IQCM: variants seen among roughly 807,000 people sequenced by gnomAD.
IQCM encodes IQ domain-containing protein M.
Under a neutral mutation model 57.6 loss-of-function variants are expected in IQCM, and 45 were observed. That is an observed-to-expected ratio of 0.78 (90% CI 0.62 to 1.00). IQCM has a LOEUF of 1.00. Among genes scored for constraint, IQCM ranks in the 50% least tolerant of loss-of-function variants. The probability of loss-of-function intolerance (pLI) is 0.00; values close to 1 mark genes in which losing one functional copy is unlikely to be tolerated. For synonymous variants in IQCM, 148 were observed against 158.9 expected, an observed-to-expected ratio of 0.93 and a Z score of 0.51; for missense variants, 468 against 511.6, an observed-to-expected ratio of 0.91 and a Z score of 0.82.
In IQCM at chr4:149,480,874, A is replaced by T. The variant is rs936502117; in HGVS notation, c.1229-47317T>A. 2.0e-5 allele frequency among the ~76,000 whole-genome samples: 3 copies of T among 152,118 alleles called. 1 individual carries two copies. The highest frequency in any genetic ancestry group is 4.4e-5 in the Non-Finnish European group (3 of 67,998). ...AGTGGTTTTCCTAATTTACCTTCCC[A>T]CAAATAGTGTACAAGGGTTCCTTAG... On this transcript the variant is annotated intron_variant, in intron 12 of 13. Coordinates refer to ENST00000636793, the MANE Select transcript of IQCM (RefSeq NM_001363507.2).
At chr4:149,765,624 G>C (rs1234908416) in intron 2 of IQCM, among the ~76,000 whole-genome samples, 1 of 152,052 alleles carries the variant, frequency 6.6e-6, no homozygotes, top group Non-Finnish European at 1.5e-5. Context: ...TAGGATTATG[G>C]GAGGGGCCTG....
intron 3 of IQCM, among the ~76,000 whole-genome samples, chr4:149,738,056 A>G (rs1363573393): frequency 6.6e-6 from 1 of 152,080 alleles, no homozygotes; most frequent in East Asian, 1.9e-4. Context: ...ATCATGTCTT[A>G]TTTCAGACAA....
rs1349300366 is a variant in IQCM, at chr4:149,701,503, A to AT, written c.386-15036dup. Among the ~76,000 whole-genome samples, 8 of 152,092 alleles carry AT rather than the reference A, an allele frequency of 5.3e-5. No individual in the cohort carries two copies. In the East Asian group the frequency reaches 1.4e-3, roughly 26 times the overall value. On this transcript the variant is annotated intron_variant, in intron 5 of 13. Transcript: ENST00000636793. ...AATAAAGGTTGTTTTTATTTATTTAATTTTTTGTAGCATTAATCATGTTGC... is the reference window on the plus strand; with the variant it reads ...AATAAAGGTTGTTTTTATTTATTTAATTTTTTTGTAGCATTAATCATGTTGC...
intron 13 of IQCM, among the ~76,000 whole-genome samples, chr4:149,389,139 A>C (rs560858799): frequency 6.6e-4 from 100 of 152,066 alleles, no homozygotes; most frequent in African/African-American, 2.3e-3. Flanking sequence ...TTATGCATAT[A>C]ATGCATCTTG....
chr4:149,721,825 G>A (rs1371543506), intron 5 of IQCM, among the ~76,000 whole-genome samples: 2 of 152,052 alleles, frequency 1.3e-5, no homozygotes, highest in African/African-American at 2.4e-5. Context: ...GAAATTGCTG[G>A]GTTGAATGGT....
At chr4:149,738,429 A>AT (rs1231724574) in intron 3 of IQCM, among the ~76,000 whole-genome samples, 1 of 152,112 alleles carries the variant, frequency 6.6e-6, no homozygotes, top group African/African-American at 2.4e-5. Context: ...CCAAAGTAGC[A>AT]TTTTCTTCCT....
At chr4:149,740,499 C>T (rs374466473) in intron 3 of IQCM, among the ~76,000 whole-genome samples, 1 of 152,008 alleles carries the variant, frequency 6.6e-6, no homozygotes. Context: ...CACCCCCTAC[C>T]GCTAGCGCAC....
At chr4:149,385,634 CT>C in intron 13 of IQCM, among the ~76,000 whole-genome samples, 1 of 152,206 alleles carries the variant, frequency 6.6e-6, no homozygotes, top group African/African-American at 2.4e-5. Context: ...AACTTATGAT[CT>C]TTCCTTACAA....
chr4:149,433,603 A>G (rs2111276827), intron 12 of IQCM, 46 bp from the exon 13 acceptor site: 1 of 745,066 alleles, frequency 1.3e-6, no homozygotes, highest in Non-Finnish European at 1.8e-6. Flanking sequence ...CATTTTACAG[A>G]CTGTCATACT....
chr4:149,445,898 A>G (rs1736454731), intron 12 of IQCM, among the ~76,000 whole-genome samples: 1 of 151,826 alleles, frequency 6.6e-6, no homozygotes, highest in African/African-American at 2.4e-5. Context: ...ATGATCTGCT[A>G]CTGATCTGGT....
At chr4:149,370,747 T>C (rs374029026) in intron 13 of IQCM, among the ~76,000 whole-genome samples, 1 of 152,206 alleles carries the variant, frequency 6.6e-6, no homozygotes. Flanking sequence ...CTACCACTTA[T>C]GTGTCTACAT....
At chr4:149,419,271 A>C (rs1733963046) in intron 13 of IQCM, among the ~76,000 whole-genome samples, 3 of 152,162 alleles carry the variant, frequency 2.0e-5, no homozygotes, top group Non-Finnish European at 4.4e-5. Context: ...CCAAAACAGC[A>C]TGGTACTTGT....
intron 2 of IQCM, among the ~76,000 whole-genome samples, chr4:149,761,128 A>G (rs2149962867): frequency 6.6e-6 from 1 of 152,246 alleles, no homozygotes; most frequent in East Asian, 1.9e-4. Flanking sequence ...CAGCACGTGA[A>G]ACTAAATAAG....
intron 13 of IQCM, among the ~76,000 whole-genome samples, chr4:149,389,195 C>T (rs549857318): frequency 6.6e-6 from 1 of 152,020 alleles, no homozygotes; most frequent in East Asian, 2.0e-4. Flanking sequence ...CAAATTCATT[C>T]TTTAGGCATG....
At chr4:149,367,898 TGA>T in intron 13 of IQCM, among the ~76,000 whole-genome samples, 1 of 152,046 alleles carries the variant, frequency 6.6e-6, no homozygotes, top group Admixed American at 6.6e-5. Flanking sequence ...TTAGTGATTT[TGA>T]GCATCTTTGC....
chr4:149,806,468 C>G (rs1774087013), intron 2 of IQCM, among the ~76,000 whole-genome samples: 1 of 151,962 alleles, frequency 6.6e-6, no homozygotes, highest in South Asian at 2.1e-4. Flanking sequence ...ACCAATCTCC[C>G]TTCATCCTTC....
chr4:149,353,218 T>C (rs1430953034), intron 13 of IQCM, among the ~76,000 whole-genome samples: 3 of 152,054 alleles, frequency 2.0e-5, no homozygotes, highest in Admixed American at 6.5e-5. Flanking sequence ...GGAATGCAAA[T>C]CAAAACCACA....
rs374515810 is a variant in IQCM, at chr4:149,673,280, C to T, written c.565+8838G>A. Among the ~76,000 whole-genome samples the T allele has an allele frequency of 5.9e-4, 90 of 152,122 alleles. 3 individuals carry two copies. The South Asian group carries it at 0.018, about 30-fold the overall frequency. On this transcript the variant is annotated intron_variant, in intron 7 of 13. Coordinates refer to ENST00000636793, the MANE Select transcript of IQCM (RefSeq NM_001363507.2). ...CAAATTCACACATAACAATATTAACCTTAAATGTAAATGGGCTAAATGCTC... is the reference window on the plus strand; with the variant it reads ...CAAATTCACACATAACAATATTAACTTTAAATGTAAATGGGCTAAATGCTC...
At chr4:149,613,622 G>T (rs1342468502) in intron 8 of IQCM, among the ~76,000 whole-genome samples, 4 of 151,794 alleles carry the variant, frequency 2.6e-5, no homozygotes, top group Non-Finnish European at 5.9e-5. Context: ...ACAATGTGCA[G>T]GTTAGTTACA....
Sources: gnomAD v4.1 joint callset for allele counts (sites outside exome capture counted in the v4.1 genomes callset) on GRCh38, gnomAD v4.1.1 for gene constraint, MANE v1.5 for transcripts, NCBI Gene and HGNC (gene_info 2026-07-23, HGNC 2026-07-21) for gene names.